WDR62: variants seen among roughly 807,000 people sequenced by gnomAD.
The protein encoded by WDR62 is WD repeat-containing protein 62.
A neutral mutation model predicts 160.6 loss-of-function variants in WDR62; 112 were observed. The observed-to-expected ratio is 0.70, with a 90% CI of 0.60 to 0.82. WDR62 has a LOEUF of 0.82. WDR62 is among the 40% of genes least tolerant of loss of function. WDR62 has a pLI of 0.00. For missense variants in WDR62, 1,819 were observed against 1,983.8 expected, an observed-to-expected ratio of 0.92 and a Z score of 1.58; for synonymous variants, 792 against 815.1, an observed-to-expected ratio of 0.97 and a Z score of 0.48.
rs1013150301 is a variant in WDR62 at position 36,097,024 on chromosome 19, C to T, written c.2468-3C>T. On this transcript the variant is annotated splice_region_variant and splice_polypyrimidine_tract_variant and intron_variant, in intron 20 of 31. Coordinates refer to ENST00000401500, the MANE Select transcript of WDR62 (RefSeq NM_001083961.2). ...TCTTTTCATGGATTCTGTGTCTTTC[C>T]AGATCCTCGTTGCCTGCTAACCAAC... is the stretch of plus-strand genomic sequence containing the variant. The T allele has an allele frequency of 1.1e-5, 17 of 1,611,520 alleles. No individual in the cohort carries two copies. Among genetic ancestry groups the T allele is most frequent in the Non-Finnish European group, 1.4e-5 (16 of 1,178,968 alleles).
intron 20 of WDR62, among the ~76,000 whole-genome samples, chr19:36,095,357 G>T (rs1972893346): frequency 6.6e-6 from 1 of 152,176 alleles, no homozygotes; most frequent in Non-Finnish European, 1.5e-5. Flanking sequence ...GAGTCTTAGG[G>T]TTGTGTGGCT....
chr19:36,081,291 T>G, intron 9 of WDR62, 142 bp from the exon 10 acceptor site: 2 of 1,027,640 alleles, frequency 1.9e-6, no homozygotes, highest in Non-Finnish European at 3.0e-6. Context: ...GTCCTTTTTT[T>G]TTCTTGTTTA....
chr19:36,055,481 C>T (rs55849299), intron 1 of WDR62, among the ~76,000 whole-genome samples: 1 of 152,120 alleles, frequency 6.6e-6, no homozygotes, highest in South Asian at 2.1e-4. Context: ...GATCATAGCT[C>T]ACTGCAGCCT....
rs371947086 is a variant in WDR62 at position 36,089,274 on chromosome 19, C to T, written c.1926C>T (p.Tyr642=). The change falls in exon 15 of 32, where the codon TAC becomes TAT. Residue 642 remains tyrosine (Y), a synonymous_variant. Transcript: ENST00000401500. ...YDMDIDITQK[Y]VAVACQDRNV... ...TGGACATTGACATCACCCAGAAGTA[C>T]GTGGCCGTGGCCTGCCAGGACCGCA... 17 of 1,614,066 alleles carry T rather than the reference C, an allele frequency of 1.1e-5. No individual in the cohort carries two copies. Among genetic ancestry groups the T allele is most frequent in the Middle Eastern group, 1.6e-4 (1 of 6,084 alleles).
At position 36,073,511 on chromosome 19, in the gene WDR62, T is replaced by G. The variant is rs1971409931; in HGVS notation, c.1213T>G (p.Ser405Ala). 1.2e-6 allele frequency: 2 copies of G among 1,613,568 alleles called. No individual in the cohort carries two copies. The highest frequency in any genetic ancestry group is 1.7e-6 in the Non-Finnish European group (2 of 1,179,828). Residue 405 changes from serine (S) to alanine (A), a missense_variant, in exon 9 of 32, where the codon TCC becomes GCC. Physicochemically the swap from Ser to Ala is moderately conservative, Grantham distance 99. Coordinates refer to ENST00000401500, the MANE Select transcript of WDR62 (RefSeq NM_001083961.2). ...GGTGTGGTCAGAGCTCTTCCACAGC[T>G]CCTACGTTTGGAACGTGGAGGTGAG... is the stretch of plus-strand genomic sequence containing the variant. ...GKVWSELFHS[S>A]YVWNVEVYPE...
Position 36,066,725 on chromosome 19 carries a change from A to G in WDR62, c.561+298A>G, listed in dbSNP as rs117774679. 4.0e-3 allele frequency among the ~76,000 whole-genome samples: 616 copies of G among 152,172 alleles called. 5 individuals carry two copies. Among genetic ancestry groups the G allele is most frequent in the Non-Finnish European group, 3.8e-3 (259 of 68,012 alleles). On this transcript the variant is annotated intron_variant, in intron 5 of 31. Transcript: ENST00000401500. ...GGATATAGTAGTACTTATCTTGTTG[A>G]GTTGTGAGACTTTAATGAGTTGATA...
chr19:36,083,078 G>T lies in WDR62; in HGVS notation c.1387G>T (p.Val463Leu). The T allele has an allele frequency of 6.2e-7, 1 of 1,612,590 alleles. No individual in the cohort carries two copies. Among genetic ancestry groups the T allele is most frequent in the Non-Finnish European group, 8.5e-7 (1 of 1,179,328 alleles). Residue 463 changes from valine to leucine, a missense_variant, in exon 11 of 32, where the codon GTG becomes TTG. Physicochemically the swap from Val to Leu is conservative, Grantham distance 32 (BLOSUM62 1). Around this residue, in one of 3 missense-constraint regions of WDR62, gnomAD observed 934 missense variants for 1,157.2 expected, o/e 0.81. Coordinates refer to ENST00000401500, the MANE Select transcript of WDR62 (RefSeq NM_001083961.2). ...CTTCCTGCAGACCCTGCTGAAGGTCGTGTACGTGGAGAATGACATCCAGCA... is the reference window on the plus strand; with the variant it reads ...CTTCCTGCAGACCCTGCTGAAGGTCTTGTACGTGGAGAATGACATCCAGCA... ...NIFSNTLLKVVYVENDIQHLQ... is the reference protein window; with the variant it reads ...NIFSNTLLKVLYVENDIQHLQ...
intron 18 of WDR62, 25 bp downstream of exon 18, chr19:36,091,490 T>C (rs769076975): frequency 6.2e-7 from 1 of 1,611,642 alleles, no homozygotes; most frequent in South Asian, 1.1e-5. Context: ...TTTGGGAGAG[T>C]TGTGGCTCAG....
chr19:36,094,238 T>G, intron 20 of WDR62, 74 bp downstream of exon 20: 1 of 1,586,986 alleles, frequency 6.3e-7, no homozygotes, highest in Non-Finnish European at 8.6e-7. Flanking sequence ...TGACCTTGTT[T>G]ACAGGGCCTG....
chr19:36,082,781 G>C (rs1971975534), intron 10 of WDR62, among the ~76,000 whole-genome samples: 1 of 152,218 alleles, frequency 6.6e-6, no homozygotes, highest in African/African-American at 2.4e-5. Context: ...GACCCAGTGT[G>C]GCTATGGGGG....
chr19:36,105,085 G>A lies in WDR62; in HGVS notation c.*57G>A, dbSNP rs745633558. 4.9e-5 allele frequency: 76 copies of A among 1,552,010 alleles called. No individual in the cohort carries two copies. Among genetic ancestry groups the A allele is most frequent in the East Asian group, 9.3e-5 (4 of 43,136 alleles). On this transcript the variant is annotated 3_prime_UTR_variant, in exon 32 of 32. Transcript: ENST00000401500. ...TTCTGAGGACTTAGGTATTTTAAGC[G>A]AATAAACTGACAGCTTTGAGGAATG...
At chr19:36,091,821 G>T (rs1204578845) in intron 18 of WDR62, among the ~76,000 whole-genome samples, 2 of 151,968 alleles carry the variant, frequency 1.3e-5, no homozygotes, top group Admixed American at 6.6e-5. Flanking sequence ...GGTAGAGGTT[G>T]CAGGGAGCAC....
At position 36,073,536 on chromosome 19, in the gene WDR62, G is replaced by GCC. The variant is rs373693641; in HGVS notation, c.1233+14_1233+15dup. On this transcript the variant is annotated splice_donor_region_variant and intron_variant, in intron 9 of 31. Coordinates refer to ENST00000401500, the MANE Select transcript of WDR62 (RefSeq NM_001083961.2). ...TCCTACGTTTGGAACGTGGAGGTGA[G>GCC]CCCCCCCCCCACCCCCTTGCCCCTG... The GCC allele has an allele frequency of 5.8e-5, 76 of 1,303,884 alleles. No homozygotes were observed. Among genetic ancestry groups the GCC allele is most frequent in the East Asian group, 4.3e-4 (16 of 37,260 alleles). 80.8% of individuals were successfully genotyped at this position (1,303,884 alleles called of 1,614,324 possible). A position where few individuals can be genotyped will look rare whatever the true frequency, so the allele number is the denominator to read the frequency against.
At position 36,082,082 on chromosome 19, in the gene WDR62, A is replaced by G. The variant is rs186799512; in HGVS notation, c.1371+512A>G. On this transcript the variant is annotated intron_variant, in intron 10 of 31. Coordinates refer to ENST00000401500, the MANE Select transcript of WDR62 (RefSeq NM_001083961.2). ...GAGCTGAGACCTGAGTCATGCATTC[A>G]TTTATTCTGCAGACACTTATTAACG... is the stretch of plus-strand genomic sequence containing the variant. 30 of 353,964 alleles carry G rather than the reference A, an allele frequency of 8.5e-5. 1 individual carries two copies. Among genetic ancestry groups the G allele is most frequent in the Admixed American group, 6.6e-4 (17 of 25,790 alleles). 21.9% of individuals were successfully genotyped at this position (353,964 alleles called of 1,614,324 possible).
In WDR62 at chr19:36,097,204, C is replaced by A. The variant is rs541815127; in HGVS notation, c.2520+125C>A. 4.1e-5 allele frequency: 37 copies of A among 911,250 alleles called. No homozygotes were observed. In the African/African-American group the frequency reaches 6.1e-4, roughly 15 times the overall value. The allele number at this position is 911,250 out of a possible 1,614,324, so 56.4% of individuals were successfully genotyped here. Reference sequence around the variant, plus strand: ...CCCTGGAGAAGCCCTGTCATCCTTCCAGGCTCAGTGAGACAGCCCTTTGTT... The same window carrying A: ...CCCTGGAGAAGCCCTGTCATCCTTCAAGGCTCAGTGAGACAGCCCTTTGTT... On this transcript the variant is annotated intron_variant, in intron 21 of 31. Coordinates refer to ENST00000401500, the MANE Select transcript of WDR62 (RefSeq NM_001083961.2).
intron 11 of WDR62, 23 bp downstream of exon 11, chr19:36,083,264 C>T (rs1398562283): frequency 8.9e-6 from 14 of 1,576,154 alleles, no homozygotes; most frequent in Non-Finnish European, 1.2e-5. Context: ...TGGCAGTGTC[C>T]AGTGTACACC....
intron 4 of WDR62, 85 bp downstream of exon 4, chr19:36,066,100 C>G: frequency 1.3e-6 from 2 of 1,579,640 alleles, no homozygotes; most frequent in Admixed American, 3.3e-5. Context: ...GCCTGGGAGT[C>G]CCTGGAATAG....
chr19:36,055,985 G>A (rs1970344299), intron 1 of WDR62, among the ~76,000 whole-genome samples: 1 of 152,114 alleles, frequency 6.6e-6, no homozygotes, highest in South Asian at 2.1e-4. Context: ...GGCCAACATG[G>A]TGAAACCCGT....
downstream of WDR62, among the ~76,000 whole-genome samples, chr19:36,109,890 CA>C (rs1204090417): frequency 2.6e-5 from 4 of 151,104 alleles, no homozygotes; most frequent in Non-Finnish European, 5.9e-5. Flanking sequence ...CCCATCTCTA[CA>C]AAAAACACAA....
Sources: allele counts gnomAD v4.1 joint callset (sites outside exome capture counted in the v4.1 genomes callset), GRCh38; gene constraint gnomAD v4.1.1; regional missense constraint gnomAD v4.1.1; transcripts MANE v1.5; gene names NCBI Gene and HGNC (gene_info 2026-07-23, HGNC 2026-07-21).